The following CNTNAP4 variants were observed in gnomAD, a reference collection of about 807,000 sequenced individuals.
CNTNAP4 encodes the protein contactin-associated protein-like 4.
Under a neutral mutation model 148.4 loss-of-function variants are expected in CNTNAP4, and 98 were observed. The observed-to-expected ratio is 0.66, with a 90% CI of 0.56 to 0.78. The LOEUF is 0.78. Among genes scored for constraint, CNTNAP4 ranks in the 30% least tolerant of loss-of-function variants. The pLI, the probability that CNTNAP4 is intolerant of heterozygous loss-of-function variation, is 0.00. For missense variants in CNTNAP4, 1,935 were observed against 1,565.6 expected, an observed-to-expected ratio of 1.24 and a Z score of -3.98; for synonymous variants, 730 against 565.1, an observed-to-expected ratio of 1.29 and a Z score of -4.14.
intron 3 of CNTNAP4, among the ~76,000 whole-genome samples, chr16:76,372,138 ATTTT>A (rs35343278): frequency 1.6e-5 from 2 of 125,792 alleles, no homozygotes; most frequent in Non-Finnish European, 3.2e-5. Context: ...TCCAGCCCAA[ATTTT>A]TTTTTTTTTT....
intron 1 of CNTNAP4, 61 bp from the exon 2 acceptor site, chr16:76,316,352 A>G (rs555020134): frequency 1.6e-5 from 17 of 1,068,714 alleles, no homozygotes; most frequent in African/African-American, 1.4e-4. Context: ...TGTTTTGTCT[A>G]TTGATTCCAC....
intron 12 of CNTNAP4, among the ~76,000 whole-genome samples, chr16:76,480,842 G>A (rs893772472): frequency 6.6e-6 from 1 of 152,176 alleles, no homozygotes; most frequent in African/African-American, 2.4e-5. Flanking sequence ...TAAAACTCAA[G>A]CAGGGTGTTT....
chr16:76,407,986 C>T (rs79359225), intron 3 of CNTNAP4, among the ~76,000 whole-genome samples: 4,557 of 151,872 alleles, frequency 0.03, 232 homozygotes, highest in African/African-American at 0.11. Context: ...CAGTCAGCAG[C>T]GATCAATATC....
Position 76,459,932 on chromosome 16 carries a change from G to A in CNTNAP4, c.1334-2024G>A, listed in dbSNP as rs575365817. ...ACTGGGGCTTCCTTAGGAGGGACTAGAGATTGCTTTTTAGAGGTGATAAGA... is the reference window on the plus strand; with the variant it reads ...ACTGGGGCTTCCTTAGGAGGGACTAAAGATTGCTTTTTAGAGGTGATAAGA... On this transcript the variant is annotated intron_variant, in intron 8 of 23. Transcript: ENST00000611870. 1.2e-4 allele frequency among the ~76,000 whole-genome samples: 18 copies of A among 152,304 alleles called. No homozygotes were observed. The South Asian group carries it at 3.3e-3, about 28-fold the overall frequency.
At chr16:76,319,070 C>G (rs531501614) in intron 2 of CNTNAP4, among the ~76,000 whole-genome samples, 2 of 151,962 alleles carry the variant, frequency 1.3e-5, no homozygotes, top group African/African-American at 4.8e-5. Context: ...GAGTAGGGCC[C>G]TAGTAATGAG....
At chr16:76,455,200 C>A (rs2080678055) in intron 8 of CNTNAP4, among the ~76,000 whole-genome samples, 1 of 152,102 alleles carries the variant, frequency 6.6e-6, no homozygotes, top group African/African-American at 2.4e-5. Flanking sequence ...AAGCAAAAAT[C>A]AATGAGCAGT....
At chr16:76,539,427 T>A (rs1031583313) in intron 19 of CNTNAP4, among the ~76,000 whole-genome samples, 1 of 152,084 alleles carries the variant, frequency 6.6e-6, no homozygotes, top group Non-Finnish European at 1.5e-5. Context: ...CTTAATATTA[T>A]TTTTTAAGTG....
Position 76,277,426 on chromosome 16 carries a change from T to C in CNTNAP4, c.-237T>C, listed in dbSNP as rs1286173175. The C allele has an allele frequency of 4.4e-6, 2 of 456,766 alleles. No homozygotes were observed. The highest frequency in any genetic ancestry group is 7.7e-6 in the Non-Finnish European group (2 of 258,462). 28.3% of individuals were successfully genotyped at this position (456,766 alleles called of 1,614,324 possible). On this transcript the variant is annotated 5_prime_UTR_variant, in exon 1 of 24. Transcript: ENST00000611870. ...GCTTTTCAGTGAGGAGTCAGGGAGG[T>C]GTGTGTGAGAGAGAGAGAGAAAAGA... is the stretch of plus-strand genomic sequence containing the variant.
At chr16:76,514,419 C>T (rs140893114) in intron 15 of CNTNAP4, among the ~76,000 whole-genome samples, 1 of 152,132 alleles carries the variant, frequency 6.6e-6, no homozygotes, top group South Asian at 2.1e-4. Flanking sequence ...AATATCAAAA[C>T]AGTTTTGTGC....
intron 4 of CNTNAP4, among the ~76,000 whole-genome samples, chr16:76,447,633 C>A (rs1450450570): frequency 6.6e-6 from 1 of 152,124 alleles, no homozygotes; most frequent in Non-Finnish European, 1.5e-5. Context: ...AAGTACCTAT[C>A]CAGCCATGCT....
At chr16:76,355,271 C>A in intron 2 of CNTNAP4, 47 bp from the exon 3 acceptor site, 2 of 1,398,856 alleles carry the variant, frequency 1.4e-6, no homozygotes, top group Non-Finnish European at 1.9e-6. Context: ...AGATTTTTAA[C>A]TAACTTTCCT....
chr16:76,302,434 T>C (rs569713568), intron 1 of CNTNAP4, among the ~76,000 whole-genome samples: 58 of 152,088 alleles, frequency 3.8e-4, no homozygotes, highest in African/African-American at 1.3e-3. Context: ...CATTTTCGGG[T>C]CCTAGAGGCT....
chr16:76,353,038 G>C (rs138386661), intron 2 of CNTNAP4, among the ~76,000 whole-genome samples: 57 of 152,262 alleles, frequency 3.7e-4, no homozygotes, highest in African/African-American at 1.3e-3. Context: ...GATAATATTG[G>C]TGTACAACGA....
At chr16:76,427,349 A>C in intron 3 of CNTNAP4, 103 bp from the exon 4 acceptor site, 3 of 883,466 alleles carry the variant, frequency 3.4e-6, no homozygotes, top group East Asian at 5.4e-5. Context: ...AGCACCATTC[A>C]TAGTAAAATG....
chr16:76,555,413 A>C (rs796884166), intron 23 of CNTNAP4, among the ~76,000 whole-genome samples: 5 of 152,346 alleles, frequency 3.3e-5, no homozygotes, highest in African/African-American at 1.2e-4. Flanking sequence ...TGTATGTCTA[A>C]AAGAAACACG....
In CNTNAP4 at chr16:76,506,133, T is replaced by C; in HGVS notation, c.2365+7439T>C. The stretch of plus-strand genomic sequence containing the variant: ...GGTTTATCAGTTAGTAGAAAAGTCA[T>C]GAGTAGGAGGAGTCACCTATATATT... On this transcript the variant is annotated intron_variant, in intron 15 of 23. Transcript: ENST00000611870. 2.1e-5 allele frequency among the ~76,000 whole-genome samples: 2 copies of C among 97,458 alleles called. 1 individual carries two copies. The highest frequency in any genetic ancestry group is 5.8e-5 in the Non-Finnish European group (2 of 34,268). 63.9% of individuals were successfully genotyped at this position (97,458 alleles called of 152,430 possible). A position where few individuals can be genotyped will look rare whatever the true frequency, so the allele number is the denominator to read the frequency against.
chr16:76,533,685 A>AT (rs1224583028), intron 17 of CNTNAP4, among the ~76,000 whole-genome samples: 1 of 152,046 alleles, frequency 6.6e-6, no homozygotes. Context: ...CTTAAAAAAA[A>AT]AATGGCAGAA....
At chr16:76,476,734 T>TC (rs2143626503) in intron 11 of CNTNAP4, among the ~76,000 whole-genome samples, 1 of 152,182 alleles carries the variant, frequency 6.6e-6, no homozygotes, top group Admixed American at 6.5e-5. Flanking sequence ...GGGCACTAAA[T>TC]CCCACTCATG....
intron 3 of CNTNAP4, among the ~76,000 whole-genome samples, chr16:76,405,937 C>A (rs1389653961): frequency 6.6e-6 from 1 of 151,944 alleles, no homozygotes. Flanking sequence ...TTAAGTTGGG[C>A]CAGGTGCAGT....
Sources: allele counts gnomAD v4.1 joint callset (sites outside exome capture counted in the v4.1 genomes callset), GRCh38; gene constraint gnomAD v4.1.1; transcripts MANE v1.5; gene names NCBI Gene and HGNC (gene_info 2026-07-23, HGNC 2026-07-21).